Variants in MYLK observed in about 807,000 individuals in gnomAD.
MYLK encodes myosin light chain kinase, smooth muscle.
Under a neutral mutation model 203.4 loss-of-function variants are expected in MYLK, and 106 were observed. The ratio of observed to expected loss-of-function variants is 0.52; its 90% CI spans 0.45 to 0.61. The LOEUF (loss-of-function observed/expected upper bound fraction) is 0.61. Among genes scored for constraint, MYLK ranks in the 20% least tolerant of loss-of-function variants. MYLK has a pLI of 0.00. For missense variants in MYLK, 2,072 were observed against 2,442.3 expected (o/e 0.85, Z 3.20); for synonymous variants, 867 against 959.5 (o/e 0.90, Z 1.78).
At chr3:123,736,128 T>C (rs1199650995) in intron 8 of MYLK, among the ~76,000 whole-genome samples, 1 of 152,160 alleles carries the variant, frequency 6.6e-6, no homozygotes, top group Non-Finnish European at 1.5e-5. Flanking sequence ...CCAAGTCAGG[T>C]CCTCCGGTCA....
chr3:123,732,949 G>A lies in MYLK; in HGVS notation c.1463C>T (p.Thr488Ile). 6.2e-7 allele frequency: 1 copy of A among 1,614,234 alleles called. No individual in the cohort carries two copies. Among genetic ancestry groups the A allele is most frequent in the Non-Finnish European group, 8.5e-7 (1 of 1,180,042 alleles). Residue 488 changes from threonine (T) to isoleucine (I), a missense_variant, in exon 11 of 34, where the codon ACT becomes ATT. By Grantham distance (89) the Thr-to-Ile change is moderately conservative (BLOSUM62 -1). Coordinates refer to ENST00000360304, the MANE Select transcript of MYLK (RefSeq NM_053025.4). Reference protein sequence around the residue: ...RTRDSGTYSCTASNAQGQLSC... With the variant: ...RTRDSGTYSCIASNAQGQLSC... ...CAGCTGGCCTTGGGCGTTGGAAGCA[G>A]TGCAGCTGTATGTCCCACTGTCCCT... is the stretch of plus-strand genomic sequence containing the variant.
At chr3:123,614,636 T>A (rs947141589) in intron 33 of MYLK, among the ~76,000 whole-genome samples, 4 of 152,214 alleles carry the variant, frequency 2.6e-5, no homozygotes, top group East Asian at 1.9e-4. Flanking sequence ...ATAGTTTTTT[T>A]ATTTTTTTAA....
intron 4 of MYLK, among the ~76,000 whole-genome samples, chr3:123,771,600 A>G (rs1034434660): frequency 3.9e-5 from 6 of 152,172 alleles, no homozygotes; most frequent in Non-Finnish European, 7.4e-5. Context: ...TTTTTGTTCA[A>G]TGATAAAAGC....
At chr3:123,764,796 T>C (rs1375727086) in intron 4 of MYLK, among the ~76,000 whole-genome samples, 3 of 152,182 alleles carry the variant, frequency 2.0e-5, no homozygotes, top group African/African-American at 7.2e-5. Context: ...AGTTTTCAGC[T>C]TCACTTCGCA....
chr3:123,832,278 C>T (rs932074206), intron 2 of MYLK, among the ~76,000 whole-genome samples: 8 of 152,184 alleles, frequency 5.3e-5, no homozygotes, highest in African/African-American at 1.9e-4. Context: ...GGCCCAGGCT[C>T]CTGAAGTTCC....
At chr3:123,830,865 G>C (rs540289251) in intron 3 of MYLK, among the ~76,000 whole-genome samples, 2 of 152,236 alleles carry the variant, frequency 1.3e-5, no homozygotes, top group South Asian at 2.1e-4. Context: ...AATCCCAAAC[G>C]ATCACCCACA....
rs1049277343 is a variant in MYLK at position 123,741,819 on chromosome 3, T to C, written c.374-1818A>G. 2.0e-5 allele frequency among the ~76,000 whole-genome samples: 3 copies of C among 152,244 alleles called. No individual in the cohort carries two copies. The South Asian group carries it at 6.2e-4, about 32-fold the overall frequency. On this transcript the variant is annotated intron_variant, in intron 5 of 33. Coordinates refer to ENST00000360304, the MANE Select transcript of MYLK (RefSeq NM_053025.4). ...GACATCTTATTCTGCCATTAAATTA[T>C]GTTTAAGAATATCTGAAACGTGCAG... is the stretch of plus-strand genomic sequence containing the variant.
intron 3 of MYLK, among the ~76,000 whole-genome samples, chr3:123,826,550 G>A (rs2066126648): frequency 6.6e-6 from 1 of 152,176 alleles, no homozygotes. Flanking sequence ...ATCCTGTCCT[G>A]AGTCTGAAAA....
intron 4 of MYLK, among the ~76,000 whole-genome samples, chr3:123,758,104 A>G (rs937533258): frequency 1.3e-5 from 2 of 152,134 alleles, no homozygotes; most frequent in Non-Finnish European, 2.9e-5. Flanking sequence ...CAGACCACAG[A>G]AAATGTCTAT....
intron 5 of MYLK, among the ~76,000 whole-genome samples, chr3:123,750,850 C>T (rs941989971): frequency 1.3e-5 from 2 of 152,186 alleles, no homozygotes; most frequent in African/African-American, 4.8e-5. Flanking sequence ...ATCTGGAATG[C>T]CCCAGCCAAA....
chr3:123,638,233 C>G (rs2058713771), intron 28 of MYLK, 39 bp from the exon 29 acceptor site: 1 of 1,612,852 alleles, frequency 6.2e-7, no homozygotes, highest in Non-Finnish European at 8.5e-7. Flanking sequence ...GCCAGCACAT[C>G]ACGGAGCCAG....
intron 6 of MYLK, 75 bp downstream of exon 6, chr3:123,739,878 T>C: frequency 6.6e-7 from 1 of 1,517,836 alleles, no homozygotes; most frequent in Non-Finnish European, 9.1e-7. Flanking sequence ...CAAGACTTAC[T>C]CCCCAGACCT....
At chr3:123,749,559 T>C (rs984512499) in intron 5 of MYLK, among the ~76,000 whole-genome samples, 1 of 152,200 alleles carries the variant, frequency 6.6e-6, no homozygotes, top group South Asian at 2.1e-4. Flanking sequence ...ATTCTGAATG[T>C]TTCTTGGGCC....
At chr3:123,713,958 A>C (rs1274384646) in intron 13 of MYLK, among the ~76,000 whole-genome samples, 1 of 152,242 alleles carries the variant, frequency 6.6e-6, no homozygotes, top group Admixed American at 6.5e-5. Context: ...GCACACAAGC[A>C]GTATAAAAAT....
At chr3:123,647,659 T>C (rs1323527897) in intron 26 of MYLK, among the ~76,000 whole-genome samples, 1 of 152,162 alleles carries the variant, frequency 6.6e-6, no homozygotes, top group Non-Finnish European at 1.5e-5. Flanking sequence ...TCAGCCTTTA[T>C]GAAAGGCCCA....
chr3:123,672,762 A>G (rs182423169), intron 20 of MYLK, among the ~76,000 whole-genome samples: 1 of 152,378 alleles, frequency 6.6e-6, no homozygotes, highest in East Asian at 1.9e-4. Context: ...CTTGGTTCCT[A>G]TCAGTAAAAA....
At chr3:123,837,336 C>T (rs1577099715) in intron 2 of MYLK, among the ~76,000 whole-genome samples, 1 of 152,064 alleles carries the variant, frequency 6.6e-6, no homozygotes, top group South Asian at 2.1e-4. Flanking sequence ...CAGCCTGTAA[C>T]ATTTCCTTCA....
chr3:123,665,718 G>T (rs1218818489), intron 22 of MYLK, among the ~76,000 whole-genome samples: 1 of 152,214 alleles, frequency 6.6e-6, no homozygotes, highest in Non-Finnish European at 1.5e-5. Context: ...ATTGTAGCTA[G>T]ATTTCTGGGT....
In MYLK at chr3:123,647,313, A is replaced by C; in HGVS notation, c.4530T>G (p.Ile1510Met). ...AKEKENIRQE[I>M]SIMNCLHHPK... ...GGTGGTGGAGGCAGTTCATGATGCT[A>C]ATCTCCTGCCGGATATTCTCTTTCT... The change falls in exon 27 of 34, where the codon ATT becomes ATG. Residue 1510 changes from isoleucine (I) to methionine (M), a missense_variant. Physicochemically the swap from Ile to Met is conservative, Grantham distance 10. Transcript: ENST00000360304. 1 of 1,614,170 alleles carries C rather than the reference A, an allele frequency of 6.2e-7. No individual in the cohort carries two copies. Among genetic ancestry groups the C allele is most frequent in the Non-Finnish European group, 8.5e-7 (1 of 1,180,014 alleles).
Sources: gnomAD v4.1 joint callset for allele counts (sites outside exome capture counted in the v4.1 genomes callset) on GRCh38, gnomAD v4.1.1 for gene constraint, MANE v1.5 for transcripts, NCBI Gene and HGNC (gene_info 2026-07-23, HGNC 2026-07-21) for gene names.